ARFGEF1: variants seen among roughly 807,000 people sequenced by gnomAD.
The protein encoded by ARFGEF1 is brefeldin A-inhibited guanine nucleotide-exchange protein 1.
In ARFGEF1, 42 loss-of-function variants were observed where a neutral mutation model predicts 231.0. The ratio of observed to expected loss-of-function variants is 0.18; its 90% CI spans 0.14 to 0.24. The LOEUF (loss-of-function observed/expected upper bound fraction) is 0.24. Among genes scored for constraint, ARFGEF1 ranks in the 10% least tolerant of loss-of-function variants. The probability of loss-of-function intolerance (pLI) is 1.00; values close to 1 mark genes in which losing one functional copy is unlikely to be tolerated. For missense variants in ARFGEF1, 1,345 were observed against 2,192.0 expected (o/e 0.61, Z 7.72); for synonymous variants, 710 against 732.3 (o/e 0.97, Z 0.49).
At chr8:67,319,236 G>A (rs1210724628) in intron 1 of ARFGEF1, among the ~76,000 whole-genome samples, 2 of 152,120 alleles carry the variant, frequency 1.3e-5, no homozygotes, top group Non-Finnish European at 2.9e-5. Flanking sequence ...CATTTGTTAG[G>A]AAAGGCAATG....
At position 67,276,001 on chromosome 8, in the gene ARFGEF1, G is replaced by C; in HGVS notation, c.1312C>G (p.Leu438Val). The change falls in exon 9 of 39, where the codon CTG (leucine) becomes GTG (valine). Residue 438 changes from leucine (L) to valine (V), a missense_variant. By Grantham distance (32) the Leu-to-Val change is conservative (BLOSUM62 1). This residue lies in a region of ARFGEF1 where 141 missense variants were observed against 259.9 expected (regional missense o/e 0.54). Coordinates refer to ENST00000262215, the MANE Select transcript of ARFGEF1 (RefSeq NM_006421.5). ...TTTGGATCTGGTGGTCCATCTGACA[G>C]TGGTTTCATTGACAGTTTACACAAT... ...RSLCKLSMKP[L>V]SDGPPDPKSH... The C allele has an allele frequency of 2.5e-6, 4 of 1,613,364 alleles. No homozygotes were observed. Among genetic ancestry groups the C allele is most frequent in the Non-Finnish European group, 3.4e-6 (4 of 1,179,508 alleles).
chr8:67,225,536 G>A (rs1251727907), intron 28 of ARFGEF1, among the ~76,000 whole-genome samples: 1 of 152,078 alleles, frequency 6.6e-6, no homozygotes, highest in Non-Finnish European at 1.5e-5. Context: ...GTTAAATATG[G>A]CAGCTAGATT....
chr8:67,236,365 AATATATATATATATATATAT>A lies in ARFGEF1; in HGVS notation c.3289+1958_3289+1977del, dbSNP rs34297561. The stretch of plus-strand genomic sequence containing the variant: ...GATATTAGTTAAAAAAAAAAAAAAA[AATATATATATATATATATAT>A]ATATATATATATATATATATATATA... On this transcript the variant is annotated intron_variant, in intron 22 of 38. Coordinates refer to ENST00000262215, the MANE Select transcript of ARFGEF1 (RefSeq NM_006421.5). Among the ~76,000 whole-genome samples the A allele has an allele frequency of 2.9e-3, 85 of 29,070 alleles. 3 individuals are homozygous for A. Among genetic ancestry groups the A allele is most frequent in the African/African-American group, 8.9e-3 (68 of 7,610 alleles). The allele number at this position is 29,070 out of a possible 152,430, so 19.1% of individuals were successfully genotyped here.
chr8:67,176,644 GGCAGCTTA>G (rs1831713292), intron 5 of ARFGEF1, among the ~76,000 whole-genome samples: 1 of 152,084 alleles, frequency 6.6e-6, no homozygotes, highest in South Asian at 2.1e-4. Context: ...GTGGGATTTT[GGCAGCTTA>G]GACTGATTAG....
At chr8:67,227,861 A>G (rs1587086574) in intron 25 of ARFGEF1, 102 bp downstream of exon 25, 9 of 1,032,588 alleles carry the variant, frequency 8.7e-6, no homozygotes, top group Non-Finnish European at 1.2e-5. Context: ...AAAAAGTAAT[A>G]AATAATTGCT....
intron 5 of ARFGEF1, among the ~76,000 whole-genome samples, chr8:67,190,196 A>G (rs1357741517): frequency 6.6e-6 from 1 of 152,252 alleles, no homozygotes; most frequent in Non-Finnish European, 1.5e-5. Context: ...TGGTAAATGC[A>G]TAGACAAAAT....
chr8:67,261,105 G>T (rs919911418), intron 14 of ARFGEF1, among the ~76,000 whole-genome samples: 2 of 152,222 alleles, frequency 1.3e-5, no homozygotes, highest in African/African-American at 2.4e-5. Flanking sequence ...CAACATAAAA[G>T]TGCAAGGTCT....
intron 7 of ARFGEF1, among the ~76,000 whole-genome samples, chr8:67,278,404 A>C (rs1446272044): frequency 6.6e-6 from 1 of 152,240 alleles, no homozygotes; most frequent in Admixed American, 6.5e-5. Context: ...CTGGTACTCA[A>C]TAAGTGGTAG....
At chr8:67,264,026 G>A (rs765362477) in intron 14 of ARFGEF1, among the ~76,000 whole-genome samples, 7 of 152,126 alleles carry the variant, frequency 4.6e-5, no homozygotes, top group Non-Finnish European at 1.0e-4. Context: ...AAAGTGAGGT[G>A]AGACAGAAAA....
intron 34 of ARFGEF1, among the ~76,000 whole-genome samples, chr8:67,210,662 G>A (rs547233772): frequency 2.4e-4 from 37 of 152,218 alleles, no homozygotes; most frequent in African/African-American, 7.2e-4. Flanking sequence ...GCTCGTTGGC[G>A]GAAAAAGCTG....
At chr8:67,205,242 C>CGGG (rs1358930075) in intron 34 of ARFGEF1, among the ~76,000 whole-genome samples, 4 of 152,188 alleles carry the variant, frequency 2.6e-5, no homozygotes, top group Non-Finnish European at 5.9e-5. Context: ...TAGTAGGCAG[C>CGGG]TCCCTTTGGG....
downstream of ARFGEF1, among the ~76,000 whole-genome samples, chr8:67,194,375 A>G (rs1205037767): frequency 6.6e-6 from 1 of 152,206 alleles, no homozygotes; most frequent in Non-Finnish European, 1.5e-5. Flanking sequence ...GTACTCATAT[A>G]CTATCTATCT....
chr8:67,207,793 C>T (rs1338573829), intron 34 of ARFGEF1, among the ~76,000 whole-genome samples: 34 of 152,182 alleles, frequency 2.2e-4, no homozygotes, highest in Admixed American at 2.2e-3. Flanking sequence ...GCAGGGTGGC[C>T]GCTTGTTCTT....
chr8:67,336,038 C>T (rs1369678491), intron 1 of ARFGEF1, among the ~76,000 whole-genome samples: 2 of 152,196 alleles, frequency 1.3e-5, no homozygotes, highest in Non-Finnish European at 2.9e-5. Flanking sequence ...CGTGAGCCAC[C>T]GCGCCCGGCC....
intron 1 of ARFGEF1, among the ~76,000 whole-genome samples, chr8:67,311,350 C>T (rs1201862737): frequency 7.6e-6 from 1 of 130,894 alleles, no homozygotes; most frequent in Non-Finnish European, 1.7e-5. Context: ...CGCCTCTGCC[C>T]GGCCGCCCCT....
At chr8:67,328,893 C>CA (rs1359211010) in intron 1 of ARFGEF1, among the ~76,000 whole-genome samples, 1 of 151,666 alleles carries the variant, frequency 6.6e-6, no homozygotes, top group Non-Finnish European at 1.5e-5. Context: ...GTAAATGGGT[C>CA]AAAAAAAGGA....
intron 5 of ARFGEF1, among the ~76,000 whole-genome samples, chr8:67,183,656 GTCTT>G (rs965169254): frequency 4.6e-5 from 7 of 152,064 alleles, no homozygotes; most frequent in Admixed American, 6.5e-5. Context: ...AATAATGCTT[GTCTT>G]TCTTTCTACT....
intron 1 of ARFGEF1, among the ~76,000 whole-genome samples, chr8:67,314,640 C>T (rs574717089): frequency 7.1e-4 from 96 of 134,500 alleles, no homozygotes; most frequent in Admixed American, 1.4e-3. Context: ...GGGTGGAAAT[C>T]TCCCGGGTCC....
At chr8:67,269,456 G>A (rs567544397) in intron 10 of ARFGEF1, among the ~76,000 whole-genome samples, 1 of 150,652 alleles carries the variant, frequency 6.6e-6, no homozygotes, top group African/African-American at 2.4e-5. Flanking sequence ...AGGTTCAAGC[G>A]ATTGTCCTGC....
Sources: gnomAD v4.1 joint callset for allele counts (sites outside exome capture counted in the v4.1 genomes callset) on GRCh38, gnomAD v4.1.1 for gene constraint, gnomAD v4.1.1 regional missense constraint, MANE v1.5 for transcripts, NCBI Gene and HGNC (gene_info 2026-07-23, HGNC 2026-07-21) for gene names.